CNOT6: variants seen among roughly 807,000 people sequenced by gnomAD.
The protein encoded by CNOT6 is carbon catabolite repression 4 protein.
Under a neutral mutation model 61.2 loss-of-function variants are expected in CNOT6, and 12 were observed. That is an observed-to-expected ratio of 0.20 (90% confidence interval 0.13 to 0.32). The LOEUF (loss-of-function observed/expected upper bound fraction) is 0.32, where lower values mean the gene tolerates loss of function less well. Among genes scored for constraint, CNOT6 ranks in the 10% least tolerant of loss-of-function variants. The pLI is 1.00. For missense variants in CNOT6, 405 were observed against 663.9 expected, an observed-to-expected ratio of 0.61 and a Z score of 4.28; for synonymous variants, 225 against 240.6, an observed-to-expected ratio of 0.94 and a Z score of 0.60.
intron 2 of CNOT6, among the ~76,000 whole-genome samples, chr5:180,544,994 C>A (rs1759242618): frequency 1.3e-5 from 2 of 152,098 alleles, no homozygotes; most frequent in South Asian, 2.1e-4. Context: ...ATATTAAATG[C>A]CTTATTCATA....
Position 180,510,134 on chromosome 5 carries a change from C to CTTTTTTTTTTTTTTTTTTTTTT in CNOT6, c.-3+15385_-3+15406dup, listed in dbSNP as rs56899929. Among the ~76,000 whole-genome samples the CTTTTTTTTTTTTTTTTTTTTTT allele has an allele frequency of 8.0e-5, 3 of 37,368 alleles. 1 individual carries two copies. Among genetic ancestry groups the CTTTTTTTTTTTTTTTTTTTTTT allele is most frequent in the Non-Finnish European group, 9.6e-5 (2 of 20,876 alleles). The allele number at this position is 37,368 out of a possible 152,430, so 24.5% of individuals were successfully genotyped here. ...TAAATGAGGTTTATCGTCTGTAAACCTTTTTTTTTTTTTTTTTTTTTTTTT... is the reference window on the plus strand; with the variant it reads ...TAAATGAGGTTTATCGTCTGTAAACCTTTTTTTTTTTTTTTTTTTTTTTTTTTTTTTTTTTTTTTTTTTTTTT... On this transcript the variant is annotated intron_variant, in intron 1 of 11. Coordinates refer to ENST00000261951, the MANE Select transcript of CNOT6 (RefSeq NM_001370472.1).
At chr5:180,572,914 C>T (rs546710724) in intron 11 of CNOT6, among the ~76,000 whole-genome samples, 6 of 152,260 alleles carry the variant, frequency 3.9e-5, no homozygotes, top group South Asian at 4.1e-4. Context: ...TCTTAACTCC[C>T]AGCTTTCTAT....
chr5:180,559,663 T>G (rs1436373984), intron 4 of CNOT6, among the ~76,000 whole-genome samples: 1 of 152,196 alleles, frequency 6.6e-6, no homozygotes, highest in African/African-American at 2.4e-5. Context: ...TTCTTCATCT[T>G]TTGTCTTTTT....
At position 180,569,136 on chromosome 5, in the gene CNOT6, A is replaced by C; in HGVS notation, c.1054A>C (p.Lys352Gln). 1 of 1,614,038 alleles carries C rather than the reference A, an allele frequency of 6.2e-7. No homozygotes were observed. The highest frequency in any genetic ancestry group is 8.5e-7 in the Non-Finnish European group (1 of 1,179,968). The change falls in exon 10 of 12, where the codon AAA becomes CAA. Residue 352 changes from lysine (K) to glutamine (Q), a missense_variant. By Grantham distance (53) the Lys-to-Gln change is moderately conservative. Transcript: ENST00000261951. Reference sequence around the variant, plus strand: ...CGGAAAGCCACATCTTGGAACAGAAAAACAACTTATTCTTGTGGCTAACGC... The same window carrying C: ...CGGAAAGCCACATCTTGGAACAGAACAACAACTTATTCTTGTGGCTAACGC... ...PSGKPHLGTE[K>Q]QLILVANAHM...
chr5:180,572,439 C>T (rs1760798125), intron 11 of CNOT6, among the ~76,000 whole-genome samples: 1 of 152,228 alleles, frequency 6.6e-6, no homozygotes, highest in Non-Finnish European at 1.5e-5. Flanking sequence ...ATCCACCCAC[C>T]TTGGCCTCCC....
At chr5:180,529,562 G>T (rs1009895316) in intron 2 of CNOT6, among the ~76,000 whole-genome samples, 174 bp downstream of exon 2, 9 of 152,182 alleles carry the variant, frequency 5.9e-5, no homozygotes, top group Non-Finnish European at 1.2e-4. Flanking sequence ...TCAATGAAAA[G>T]AATATGATTT....
At chr5:180,568,125 GA>G (rs953354106) in intron 9 of CNOT6, 122 bp downstream of exon 9, 1 of 931,930 alleles carries the variant, frequency 1.1e-6, no homozygotes, top group Non-Finnish European at 1.5e-6. Context: ...AACTCAGTGA[GA>G]AGTTGTCTTT....
At chr5:180,570,241 C>G (rs1461148649) in intron 10 of CNOT6, among the ~76,000 whole-genome samples, 2 of 152,146 alleles carry the variant, frequency 1.3e-5, no homozygotes, top group African/African-American at 2.4e-5. Context: ...GCCTGTAATC[C>G]CAGCTACTCG....
intron 1 of CNOT6, among the ~76,000 whole-genome samples, chr5:180,498,982 G>C (rs1756745564): frequency 6.6e-6 from 1 of 152,140 alleles, no homozygotes; most frequent in Non-Finnish European, 1.5e-5. Flanking sequence ...GTAGAGGCAG[G>C]GTTTCACCAT....
At position 180,577,227 on chromosome 5, in the gene CNOT6, T is replaced by C. The variant is rs1273930258; in HGVS notation, c.*3027T>C. On this transcript the variant is annotated 3_prime_UTR_variant, in exon 12 of 12. Coordinates refer to ENST00000261951, the MANE Select transcript of CNOT6 (RefSeq NM_001370472.1). ...ATGATTTAGTGACAACCAGGAAAAC[T>C]TACTTGGGATTATTAGCACTTTCAA... The C allele has an allele frequency of 6.6e-6, 1 of 150,518 alleles. No individual in the cohort carries two copies. Among genetic ancestry groups the C allele is most frequent in the Non-Finnish European group, 1.5e-5 (1 of 67,666 alleles). The allele number at this position is 150,518 out of a possible 1,614,324, so 9.3% of individuals were successfully genotyped here.
At position 180,541,440 on chromosome 5, in the gene CNOT6, AATTTTT is replaced by A. The variant is rs1283891960; in HGVS notation, c.113-8490_113-8485del. Among the ~76,000 whole-genome samples the A allele has an allele frequency of 9.6e-4, 99 of 102,992 alleles. 5 individuals carry two copies. Among genetic ancestry groups the A allele is most frequent in the Admixed American group, 1.4e-3 (13 of 8,972 alleles). 67.6% of individuals were successfully genotyped at this position (102,992 alleles called of 152,430 possible). Reference sequence around the variant, plus strand: ...CATGAACCACCACAACTGGCCAAGAAATTTTTTTTTTTTTTTTTTTTTTTTTTTTGA... The same window carrying A: ...CATGAACCACCACAACTGGCCAAGAATTTTTTTTTTTTTTTTTTTTTTTGA... On this transcript the variant is annotated intron_variant, in intron 2 of 11. Transcript: ENST00000261951.
intron 1 of CNOT6, among the ~76,000 whole-genome samples, chr5:180,498,366 A>G (rs1182742122): frequency 6.6e-6 from 1 of 152,234 alleles, no homozygotes; most frequent in African/African-American, 2.4e-5. Context: ...TATAGGCTTC[A>G]TAGGTGCACA....
chr5:180,519,413 G>A (rs1231487061), intron 1 of CNOT6, among the ~76,000 whole-genome samples: 3 of 152,214 alleles, frequency 2.0e-5, no homozygotes, highest in Non-Finnish European at 2.9e-5. Context: ...TTAACAATGT[G>A]ATAATGAGTA....
chr5:180,534,419 G>A (rs1157464295), intron 2 of CNOT6: 1 of 167,598 alleles, frequency 6.0e-6, no homozygotes, highest in Admixed American at 6.0e-5. Context: ...AGGGCCAATT[G>A]ATGAATGGTA....
chr5:180,568,475 C>T (rs964173472), intron 9 of CNOT6, among the ~76,000 whole-genome samples: 4 of 151,658 alleles, frequency 2.6e-5, no homozygotes, highest in African/African-American at 9.7e-5. Flanking sequence ...CTGCTTGAAC[C>T]TGGGAGGCAG....
At position 180,569,114 on chromosome 5, in the gene CNOT6, A is replaced by G. The variant is rs756716934; in HGVS notation, c.1032A>G (p.Gly344=). ...TTTCGTTTTTATCTAATGTAGCCGGAAAGCCACATCTTGGAACAGAAAAAC... is the reference window on the plus strand; with the variant it reads ...TTTCGTTTTTATCTAATGTAGCCGGGAAGCCACATCTTGGAACAGAAAAAC... The part of the protein sequence containing the change: ...LRKESIEMPS[G]KPHLGTEKQL... Residue 344 remains glycine (G), a synonymous_variant, in exon 10 of 12, where the codon GGA becomes GGG. Coordinates refer to ENST00000261951, the MANE Select transcript of CNOT6 (RefSeq NM_001370472.1). The G allele has an allele frequency of 6.2e-6, 10 of 1,611,486 alleles. No individual in the cohort carries two copies. The Admixed American group carries it at 1.7e-4, about 27-fold the overall frequency.
chr5:180,577,787 G>C lies in CNOT6; in HGVS notation c.*3587G>C, dbSNP rs1761073876. The C allele has an allele frequency of 6.6e-6, 1 of 152,626 alleles. No homozygotes were observed. The highest frequency in any genetic ancestry group is 1.5e-5 in the Non-Finnish European group (1 of 68,042). The allele number at this position is 152,626 out of a possible 1,614,324, so 9.5% of individuals were successfully genotyped here. Reference sequence around the variant, plus strand: ...ATCCGCCCAGACAGCTCTTTGATGAGGGTGATGGGAACTGAATAAACCATA... The same window carrying C: ...ATCCGCCCAGACAGCTCTTTGATGACGGTGATGGGAACTGAATAAACCATA... On this transcript the variant is annotated 3_prime_UTR_variant, in exon 12 of 12. Coordinates refer to ENST00000261951, the MANE Select transcript of CNOT6 (RefSeq NM_001370472.1).
intron 2 of CNOT6, among the ~76,000 whole-genome samples, chr5:180,538,250 A>C (rs1185730976): frequency 6.6e-6 from 1 of 151,720 alleles, no homozygotes; most frequent in Admixed American, 6.6e-5. Context: ...TGTGTTAGCC[A>C]GGATGGTCTC....
chr5:180,517,237 A>G (rs1461605681), intron 1 of CNOT6, among the ~76,000 whole-genome samples: 1 of 152,142 alleles, frequency 6.6e-6, no homozygotes, highest in Non-Finnish European at 1.5e-5. Context: ...TTCCTGGCTC[A>G]GGTGATTCTC....
Sources: gnomAD v4.1 joint callset for allele counts (sites outside exome capture counted in the v4.1 genomes callset) on GRCh38, gnomAD v4.1.1 for gene constraint, MANE v1.5 for transcripts, NCBI Gene and HGNC (gene_info 2026-07-23, HGNC 2026-07-21) for gene names.